Variants in ASIC4 observed in about 807,000 individuals in gnomAD.
The protein encoded by ASIC4 is acid-sensing ion channel 4.
A neutral mutation model predicts 53.4 loss-of-function variants in ASIC4; 28 were observed. The ratio of observed to expected loss-of-function variants is 0.52; its 90% CI spans 0.39 to 0.72. The LOEUF is 0.72. Ranked by LOEUF, ASIC4 falls within the 30% of genes least tolerant of loss-of-function variation. ASIC4 has a pLI of 0.00. For synonymous variants in ASIC4, 289 were observed against 301.4 expected (o/e 0.96, Z 0.43); for missense variants, 649 against 729.7 (o/e 0.89, Z 1.27).
rs571355164 is a variant in ASIC4 at position 219,537,504 on chromosome 2, G to A, written c.1402-128G>A. ...TCAGGAGAAGGGGATGGGTGAGGAG[G>A]AGGAGGGTGTCCTACTGGGAGTTTG... On this transcript the variant is annotated intron_variant, in intron 8 of 9. Coordinates refer to ENST00000358078, the MANE Select transcript of ASIC4 (RefSeq NM_018674.6). The surrounding 1 kb of genome is among the most constrained non-coding windows in gnomAD (Gnocchi z 4.9). 4.6e-5 allele frequency: 47 copies of A among 1,030,530 alleles called. No individual in the cohort carries two copies. In the South Asian group the frequency reaches 6.6e-4, roughly 15 times the overall value. The allele number at this position is 1,030,530 out of a possible 1,614,324, so 63.8% of individuals were successfully genotyped here. A position where few individuals can be genotyped will look rare whatever the true frequency, so the allele number is the denominator to read the frequency against.
upstream of ASIC4, among the ~76,000 whole-genome samples, chr2:219,509,888 C>G (rs1056054304): frequency 4.6e-5 from 7 of 152,140 alleles, no homozygotes; most frequent in African/African-American, 1.4e-4. The surrounding 1 kb of genome is among the most constrained non-coding windows in gnomAD (Gnocchi z 5.2). Flanking sequence ...GTCTAGCCTT[C>G]AGCTCAGCTG....
chr2:219,519,852 T>C (rs984983059), intron 1 of ASIC4, among the ~76,000 whole-genome samples: 4 of 151,340 alleles, frequency 2.6e-5, no homozygotes, highest in Non-Finnish European at 4.4e-5. Flanking sequence ...CTGTGGGCTG[T>C]GATCTCAGGT....
chr2:219,522,291 C>T (rs758608724), intron 1 of ASIC4, among the ~76,000 whole-genome samples: 1 of 151,624 alleles, frequency 6.6e-6, no homozygotes, highest in Non-Finnish European at 1.5e-5. Context: ...GCGCTTGGCT[C>T]AGCGGTGACT....
rs754205418 is a variant in ASIC4 at position 219,532,270 on chromosome 2, G to A, written c.856-45G>A. Reference sequence around the variant, plus strand: ...CTGGGGCTGTGGGCACTGGAGGACTGGGTGGGATTCCTGAGCATGACCTCA... The same window carrying A: ...CTGGGGCTGTGGGCACTGGAGGACTAGGTGGGATTCCTGAGCATGACCTCA... On this transcript the variant is annotated intron_variant, in intron 3 of 9. Coordinates refer to ENST00000358078, the MANE Select transcript of ASIC4 (RefSeq NM_018674.6). 42 of 1,599,060 alleles carry A rather than the reference G, an allele frequency of 2.6e-5. 1 individual carries two copies. Among genetic ancestry groups the A allele is most frequent in the Non-Finnish European group, 6.0e-6 (7 of 1,168,270 alleles).
upstream of ASIC4, chr2:219,514,424 A>T: frequency 6.5e-7 from 1 of 1,549,540 alleles, no homozygotes; most frequent in South Asian, 1.2e-5. Flanking sequence ...TCGCAGGGAC[A>T]CACGCAGGGG....
rs1248570075 is a variant in ASIC4, at chr2:219,535,432, T to C, written c.1229+108T>C. 6 of 1,279,566 alleles carry C rather than the reference T, an allele frequency of 4.7e-6. No individual in the cohort carries two copies. In the Admixed American group the frequency reaches 1.2e-4, roughly 26 times the overall value. The allele number at this position is 1,279,566 out of a possible 1,614,324, so 79.3% of individuals were successfully genotyped here. On this transcript the variant is annotated intron_variant, in intron 6 of 9. Coordinates refer to ENST00000358078, the MANE Select transcript of ASIC4 (RefSeq NM_018674.6). ...ACGTGTGTGTGAGTGTATGTGTGTA[T>C]GTGTTTGTGTGTATGTGGGTGTGGG...
rs1472147768 is a variant in ASIC4 at position 219,536,043 on chromosome 2, G to T, written c.1229+719G>T. Among the ~76,000 whole-genome samples the T allele has an allele frequency of 6.6e-6, 1 of 152,128 alleles. No individual in the cohort carries two copies. The highest frequency in any genetic ancestry group is 1.5e-5 in the Non-Finnish European group (1 of 68,026). On this transcript the variant is annotated intron_variant, in intron 6 of 9. Transcript: ENST00000358078. The surrounding 1 kb of genome is among the most constrained non-coding windows in gnomAD (Gnocchi z 4.6). The stretch of plus-strand genomic sequence containing the variant: ...CGTCCTTGGTCTCCCAAAGTGCTGG[G>T]ATTACAGGTGTGAGCCACCTTGCCT...
intron 1 of ASIC4, among the ~76,000 whole-genome samples, chr2:219,528,083 G>A (rs943215199): frequency 2.0e-5 from 3 of 152,354 alleles, no homozygotes; most frequent in Non-Finnish European, 2.9e-5. Context: ...GAGCATATAC[G>A]CAAAACTGGC....
At chr2:219,508,750 C>T in the ASIC4 span, among the ~76,000 whole-genome samples, 5 of 124,692 alleles carry the variant, frequency 4.0e-5, no homozygotes, top group African/African-American at 9.1e-5. Flanking sequence ...GGTAGGAGGG[C>T]GCCAGCCCGG....
intron 1 of ASIC4, among the ~76,000 whole-genome samples, chr2:219,525,939 C>G (rs1444065071): frequency 6.6e-6 from 1 of 152,188 alleles, no homozygotes; most frequent in Non-Finnish European, 1.5e-5. Context: ...GGACCAGAGG[C>G]AGGGTGCCCA....
chr2:219,507,403 G>A, the ASIC4 span, among the ~76,000 whole-genome samples: 12 of 152,360 alleles, frequency 7.9e-5, no homozygotes, highest in South Asian at 1.7e-3. Context: ...CCGGTTTTCC[G>A]CTTTGCCAGC....
In ASIC4 at chr2:219,537,575, G is replaced by A. The variant is rs1695163503; in HGVS notation, c.1402-57G>A. On this transcript the variant is annotated intron_variant, in intron 8 of 9. Transcript: ENST00000358078. This position sits in a 1 kb window ranked among gnomAD's most constrained non-coding sequence, Gnocchi z 4.9. ...GGCAGCTGGGCATGGTAAGGCTCAC[G>A]CTTCTCCTCAACCAAATTTCCTGAG... 1.3e-6 allele frequency: 2 copies of A among 1,486,370 alleles called. No homozygotes were observed. The highest frequency in any genetic ancestry group is 1.8e-6 in the Non-Finnish European group (2 of 1,085,928). The allele number at this position is 1,486,370 out of a possible 1,614,324, so 92.1% of individuals were successfully genotyped here. A position where few individuals can be genotyped will look rare whatever the true frequency, so the allele number is the denominator to read the frequency against.
chr2:219,514,255 C>T, upstream of ASIC4: 4 of 1,428,800 alleles, frequency 2.8e-6, no homozygotes, highest in South Asian at 1.5e-5. Flanking sequence ...ACTGCCCCCT[C>T]CCCTGGCCTG....
chr2:219,530,514 A>G (rs1695025931), intron 1 of ASIC4, among the ~76,000 whole-genome samples: 1 of 152,244 alleles, frequency 6.6e-6, no homozygotes, highest in Admixed American at 6.5e-5. Context: ...ATTGAGGGAG[A>G]TGGACAATGG....
chr2:219,536,036 G>A lies in ASIC4; in HGVS notation c.1229+712G>A, dbSNP rs969542796. 2.7e-4 allele frequency among the ~76,000 whole-genome samples: 41 copies of A among 152,182 alleles called. No individual in the cohort carries two copies. The highest frequency in any genetic ancestry group is 1.8e-3 in the Admixed American group (28 of 15,290). The stretch of plus-strand genomic sequence containing the variant: ...GATCTGCCGTCCTTGGTCTCCCAAA[G>A]TGCTGGGATTACAGGTGTGAGCCAC... On this transcript the variant is annotated intron_variant, in intron 6 of 9. Coordinates refer to ENST00000358078, the MANE Select transcript of ASIC4 (RefSeq NM_018674.6). This position sits in a 1 kb window ranked among gnomAD's most constrained non-coding sequence, Gnocchi z 4.6.
At chr2:219,532,282 T>C (rs779630344) in intron 3 of ASIC4, 33 bp from the exon 4 acceptor site, 33 of 1,599,970 alleles carry the variant, frequency 2.1e-5, no homozygotes, top group Non-Finnish European at 2.3e-5. Flanking sequence ...GTGGGATTCC[T>C]GAGCATGACC....
rs1049947601 is a variant in ASIC4, at chr2:219,516,273, A to T, written c.582+967A>T. On this transcript the variant is annotated intron_variant, in intron 1 of 9. Transcript: ENST00000358078. The surrounding 1 kb of genome is among the most constrained non-coding windows in gnomAD (Gnocchi z 4.9). Reference sequence around the variant, plus strand: ...TGTGGATGCCATCCCTTCTCATGACACCCCCACCCCCATCTATCCCAACCG... The same window carrying T: ...TGTGGATGCCATCCCTTCTCATGACTCCCCCACCCCCATCTATCCCAACCG... Among the ~76,000 whole-genome samples, 43 of 151,390 alleles carry T rather than the reference A, an allele frequency of 2.8e-4. No homozygotes were observed. The highest frequency in any genetic ancestry group is 1.0e-3 in the African/African-American group (42 of 41,108).
At chr2:219,524,742 G>A (rs1423311376) in intron 1 of ASIC4, among the ~76,000 whole-genome samples, 1 of 152,200 alleles carries the variant, frequency 6.6e-6, no homozygotes, top group Non-Finnish European at 1.5e-5. Context: ...CATCTGGTAG[G>A]AGAGCCATAT....
At position 219,518,841 on chromosome 2, in the gene ASIC4, C is replaced by T. The variant is rs1306728209; in HGVS notation, c.582+3535C>T. ...CACCAGGATTCGAACCTCGGCTCTA[C>T]GCATTAAGCTGTGTGGCCGTGGGGA... On this transcript the variant is annotated intron_variant, in intron 1 of 9. Transcript: ENST00000358078. The surrounding 1 kb of genome is among the most constrained non-coding windows in gnomAD (Gnocchi z 4.8). Among the ~76,000 whole-genome samples, 7 of 152,244 alleles carry T rather than the reference C, an allele frequency of 4.6e-5. No individual in the cohort carries two copies. The highest frequency in any genetic ancestry group is 1.9e-4 in the East Asian group (1 of 5,196).
Sources: allele counts gnomAD v4.1 joint callset (sites outside exome capture counted in the v4.1 genomes callset), GRCh38; gene constraint gnomAD v4.1.1; non-coding constraint Gnocchi (gnomAD v3.1); transcripts MANE v1.5; gene names NCBI Gene and HGNC (gene_info 2026-07-23, HGNC 2026-07-21).